Variants in FER observed in about 807,000 individuals in gnomAD.
FER encodes the protein FER tyrosine kinase.
A neutral mutation model predicts 111.0 loss-of-function variants in FER; 63 were observed. The observed-to-expected ratio is 0.57, with a 90% CI of 0.46 to 0.70. FER has a LOEUF of 0.70. Ranked by LOEUF, FER falls within the 30% of genes least tolerant of loss-of-function variation. The pLI is 0.00. For missense variants in FER, 914 were observed against 954.0 expected (o/e 0.96, Z 0.55); for synonymous variants, 327 against 313.9 (o/e 1.04, Z -0.44).
intron 17 of FER, among the ~76,000 whole-genome samples, chr5:109,146,674 A>G (rs544534363): frequency 6.6e-6 from 1 of 152,188 alleles, no homozygotes; most frequent in African/African-American, 2.4e-5. Context: ...GTGCCTCACA[A>G]AAGACAAAGT....
At chr5:109,056,845 T>G (rs904422782) in intron 16 of FER, among the ~76,000 whole-genome samples, 6 of 152,226 alleles carry the variant, frequency 3.9e-5, no homozygotes, top group African/African-American at 1.4e-4. Context: ...ACAATAATAG[T>G]TCTTTAAAAA....
chr5:109,128,364 C>A (rs76507582), intron 17 of FER, among the ~76,000 whole-genome samples: 5,179 of 152,092 alleles, frequency 0.034, 139 homozygotes, highest in South Asian at 0.085. Flanking sequence ...TGACAACTTT[C>A]AATTGTAAGT....
chr5:108,809,402 G>A lies in FER; in HGVS notation c.207+11013G>A, dbSNP rs1561451605. On this transcript the variant is annotated intron_variant, in intron 3 of 19. Coordinates refer to ENST00000281092, the MANE Select transcript of FER (RefSeq NM_005246.4). ...TTGTCTTTTGAAACTCCTTAAGTGA[G>A]TTTTTCAACTCCATAAGCTCTGACT... Among the ~76,000 whole-genome samples, 4 of 152,162 alleles carry A rather than the reference G, an allele frequency of 2.6e-5. No homozygotes were observed. In the South Asian group the frequency reaches 6.2e-4, roughly 24 times the overall value.
rs987982806 is a variant in FER at position 109,172,491 on chromosome 5, G to GGGGGAGC, written c.2049-8250_2049-8249insCGGGGAG. Among the ~76,000 whole-genome samples the GGGGGAGC allele has an allele frequency of 8.8e-4, 67 of 76,348 alleles. 3 individuals carry two copies. The East Asian group carries it at 0.026, about 29-fold the overall frequency. The allele number at this position is 76,348 out of a possible 152,430, so 50.1% of individuals were successfully genotyped here. On this transcript the variant is annotated intron_variant, in intron 17 of 19. Transcript: ENST00000281092. ...ACACTCTGGGGACTGTTGTGGGGTGGGGGGAGGGGGGAGGGATAGCATTAG... is the reference window on the plus strand; with the variant it reads ...ACACTCTGGGGACTGTTGTGGGGTGGGGGGAGCGGGGAGGGGGGAGGGATAGCATTAG...
chr5:108,772,558 G>A (rs1375153369), intron 2 of FER, among the ~76,000 whole-genome samples: 2 of 151,390 alleles, frequency 1.3e-5, no homozygotes, highest in Admixed American at 1.3e-4. Context: ...AAATTTATTT[G>A]CAGTTTGCCT....
At chr5:108,922,228 G>A (rs1561619478) in intron 10 of FER, among the ~76,000 whole-genome samples, 1 of 152,204 alleles carries the variant, frequency 6.6e-6, no homozygotes, top group Admixed American at 6.6e-5. Context: ...AGAACTGTAG[G>A]AGAGTAAGTT....
intron 17 of FER, among the ~76,000 whole-genome samples, chr5:109,133,233 A>G (rs1388438099): frequency 6.6e-6 from 1 of 152,180 alleles, no homozygotes; most frequent in East Asian, 1.9e-4. Flanking sequence ...CATTTCAGAA[A>G]GTGTTCCTTT....
At chr5:108,813,534 T>TA (rs1381995172) in intron 3 of FER, among the ~76,000 whole-genome samples, 1 of 152,186 alleles carries the variant, frequency 6.6e-6, no homozygotes, top group Non-Finnish European at 1.5e-5. Context: ...TTTGGCTGTT[T>TA]AAAGTTGTCT....
intron 17 of FER, among the ~76,000 whole-genome samples, chr5:109,108,460 A>G (rs1320853990): frequency 6.6e-6 from 1 of 152,188 alleles, no homozygotes; most frequent in Non-Finnish European, 1.5e-5. Flanking sequence ...TGTAGGGAGA[A>G]GAGAATCTTT....
intron 10 of FER, among the ~76,000 whole-genome samples, chr5:108,943,968 G>A (rs1210853758): frequency 6.6e-6 from 1 of 151,956 alleles, no homozygotes; most frequent in African/African-American, 2.4e-5. Flanking sequence ...TCCTGGGTTC[G>A]AGCAATACTC....
At chr5:108,834,753 A>G (rs1760435866) in intron 4 of FER, among the ~76,000 whole-genome samples, 1 of 152,038 alleles carries the variant, frequency 6.6e-6, no homozygotes, top group African/African-American at 2.4e-5. Flanking sequence ...TAGTTTTACA[A>G]AGTTAACCAG....
intron 5 of FER, among the ~76,000 whole-genome samples, chr5:108,855,944 ATT>A (rs35155732): frequency 2.1e-5 from 3 of 143,672 alleles, no homozygotes; most frequent in African/African-American, 7.6e-5. Context: ...TAAAGGGAGG[ATT>A]TTTTTTTTTT....
chr5:109,044,096 T>A (rs1166006272), intron 14 of FER, among the ~76,000 whole-genome samples: 1 of 152,152 alleles, frequency 6.6e-6, no homozygotes, highest in Non-Finnish European at 1.5e-5. Context: ...GTCTTGTTTA[T>A]CTTCTCGGTA....
chr5:108,914,419 T>C (rs911879787), intron 10 of FER, among the ~76,000 whole-genome samples: 1 of 152,224 alleles, frequency 6.6e-6, no homozygotes, highest in Admixed American at 6.5e-5. Flanking sequence ...TATGTACCTC[T>C]TATTCTTTCT....
At chr5:109,072,175 T>C (rs1775844884) in intron 16 of FER, among the ~76,000 whole-genome samples, 1 of 151,616 alleles carries the variant, frequency 6.6e-6, no homozygotes, top group African/African-American at 2.4e-5. Context: ...CATTTCTGCT[T>C]TCAGGCAGGC....
rs1328422908 is a variant in FER, at chr5:109,193,221, T to C, written c.*5646T>C. The C allele has an allele frequency of 6.6e-6, 1 of 152,176 alleles. No individual in the cohort carries two copies. The highest frequency in any genetic ancestry group is 2.4e-5 in the African/African-American group (1 of 41,432). The allele number at this position is 152,176 out of a possible 1,614,324, so 9.4% of individuals were successfully genotyped here. ...TTTAATCAGAATTACCCTTGCTCTG[T>C]TTATCTGTGAGGCCTCAGACACAAC... On this transcript the variant is annotated 3_prime_UTR_variant, in exon 20 of 20. Transcript: ENST00000281092.
intron 1 of FER, among the ~76,000 whole-genome samples, chr5:108,749,532 C>A (rs1379503343): frequency 6.6e-6 from 1 of 152,186 alleles, no homozygotes; most frequent in African/African-American, 2.4e-5. Flanking sequence ...GTATTCCCCC[C>A]ATCCCTTCCT....
At chr5:109,183,557 C>T (rs965902932) in intron 18 of FER, among the ~76,000 whole-genome samples, 2 of 152,014 alleles carry the variant, frequency 1.3e-5, no homozygotes, top group Non-Finnish European at 2.9e-5. Context: ...TCCAATACTT[C>T]TTTCATATAT....
At chr5:108,874,259 G>T (rs1764877385) in intron 8 of FER, among the ~76,000 whole-genome samples, 1 of 152,036 alleles carries the variant, frequency 6.6e-6, no homozygotes, top group Non-Finnish European at 1.5e-5. Context: ...AGAAGAATTT[G>T]TTTTATAGCT....
Sources: gnomAD v4.1 joint callset for allele counts (sites outside exome capture counted in the v4.1 genomes callset) on GRCh38, gnomAD v4.1.1 for gene constraint, MANE v1.5 for transcripts, NCBI Gene and HGNC (gene_info 2026-07-23, HGNC 2026-07-21) for gene names.